The following ARHGAP42 variants were observed in gnomAD, a reference collection of about 807,000 sequenced individuals.
ARHGAP42 encodes Rho GTPase activating protein 42.
A neutral mutation model predicts 125.0 loss-of-function variants in ARHGAP42; 63 were observed. That is an observed-to-expected ratio of 0.50 (90% CI 0.41 to 0.62). The LOEUF (loss-of-function observed/expected upper bound fraction) is 0.62. Among genes scored for constraint, ARHGAP42 ranks in the 20% least tolerant of loss-of-function variants. The probability of loss-of-function intolerance (pLI) is 0.00; values close to 1 mark genes in which losing one functional copy is unlikely to be tolerated. For synonymous variants in ARHGAP42, 339 were observed against 351.0 expected (o/e 0.97, Z 0.38); for missense variants, 766 against 1,024.2 (o/e 0.75, Z 3.44).
chr11:100,760,752 A>G (rs1470016706), intron 1 of ARHGAP42, among the ~76,000 whole-genome samples: 4 of 152,132 alleles, frequency 2.6e-5, no homozygotes, highest in East Asian at 3.9e-4. Context: ...CCACAAATGT[A>G]TATGACACCA....
chr11:100,778,363 A>C (rs894781403), intron 2 of ARHGAP42, among the ~76,000 whole-genome samples: 9 of 152,232 alleles, frequency 5.9e-5, no homozygotes, highest in Non-Finnish European at 1.3e-4. Flanking sequence ...AATCAAAAAA[A>C]AAATATCCAT....
intron 3 of ARHGAP42, among the ~76,000 whole-genome samples, chr11:100,858,424 G>T (rs1388316097): frequency 6.6e-6 from 1 of 151,948 alleles, no homozygotes; most frequent in African/African-American, 2.4e-5. Flanking sequence ...GCAAATCGAG[G>T]ATTAACAGGA....
chr11:100,895,238 C>T (rs1030502739), intron 4 of ARHGAP42, among the ~76,000 whole-genome samples: 1 of 152,146 alleles, frequency 6.6e-6, no homozygotes, highest in African/African-American at 2.4e-5. Flanking sequence ...TTCATTCATT[C>T]ATTCATTCAC....
At chr11:100,868,151 T>G (rs1186386073) in intron 4 of ARHGAP42, among the ~76,000 whole-genome samples, 1 of 152,084 alleles carries the variant, frequency 6.6e-6, no homozygotes, top group Non-Finnish European at 1.5e-5. Flanking sequence ...AGACATAAAG[T>G]GAGCATTGTT....
intron 3 of ARHGAP42, among the ~76,000 whole-genome samples, chr11:100,848,445 A>G (rs1469672581): frequency 6.6e-6 from 1 of 151,610 alleles, no homozygotes; most frequent in African/African-American, 2.4e-5. Flanking sequence ...ACAACCAGCA[A>G]CCATCTTCCT....
At chr11:100,922,175 G>A (rs999555203) in intron 6 of ARHGAP42, among the ~76,000 whole-genome samples, 1 of 152,112 alleles carries the variant, frequency 6.6e-6, no homozygotes, top group African/African-American at 2.4e-5. Context: ...TTTAGCAAAT[G>A]TTTAGACGGA....
At chr11:100,875,107 CTGTGTG>C (rs67247250) in intron 4 of ARHGAP42, among the ~76,000 whole-genome samples, 4,152 of 81,296 alleles carry the variant, frequency 0.051, 102 homozygotes, top group Non-Finnish European at 0.059. Context: ...CTCTCTCTCT[CTGTGTG>C]TGTGTGTGTG....
chr11:100,806,940 C>T (rs745406238), intron 3 of ARHGAP42, among the ~76,000 whole-genome samples: 41 of 151,764 alleles, frequency 2.7e-4, no homozygotes, highest in Non-Finnish European at 4.7e-4. Context: ...CTCTGCCTTC[C>T]GAGCTCAAGT....
At chr11:100,904,180 C>T (rs746023823) in intron 4 of ARHGAP42, among the ~76,000 whole-genome samples, 2 of 152,040 alleles carry the variant, frequency 1.3e-5, no homozygotes, top group African/African-American at 4.8e-5. Context: ...CATTTGCTTT[C>T]TCTCACAAGG....
chr11:100,813,916 C>T (rs565287521), intron 3 of ARHGAP42, among the ~76,000 whole-genome samples: 5 of 152,028 alleles, frequency 3.3e-5, no homozygotes, highest in African/African-American at 4.8e-5. Flanking sequence ...CAGAACAGGC[C>T]GGGTGCAGTG....
chr11:100,954,743 G>A (rs931528140), intron 12 of ARHGAP42, among the ~76,000 whole-genome samples: 1 of 152,068 alleles, frequency 6.6e-6, no homozygotes, highest in Non-Finnish European at 1.5e-5. Flanking sequence ...TGCTCTTCAT[G>A]GGCAGAGCAG....
chr11:100,956,473 A>C (rs1350522788), intron 12 of ARHGAP42, among the ~76,000 whole-genome samples: 1 of 152,166 alleles, frequency 6.6e-6, no homozygotes, highest in Non-Finnish European at 1.5e-5. Flanking sequence ...ACAAAGGAAA[A>C]AGAAAATTGC....
intron 12 of ARHGAP42, among the ~76,000 whole-genome samples, chr11:100,956,668 A>G (rs746142007): frequency 5.9e-5 from 9 of 152,162 alleles, no homozygotes; most frequent in Non-Finnish European, 1.2e-4. Flanking sequence ...TAGTCTGTTT[A>G]GCTCTAGTGA....
chr11:100,773,716 C>T (rs973135777), intron 2 of ARHGAP42, among the ~76,000 whole-genome samples: 5 of 152,196 alleles, frequency 3.3e-5, no homozygotes, highest in African/African-American at 1.2e-4. Flanking sequence ...TTGTTTGACT[C>T]TTTCCACTTT....
At chr11:100,792,484 CCTG>C (rs757361070) in intron 2 of ARHGAP42, among the ~76,000 whole-genome samples, 2 of 152,064 alleles carry the variant, frequency 1.3e-5, no homozygotes, top group Non-Finnish European at 2.9e-5. Context: ...CCGTGATTGT[CCTG>C]CTATTTTTAG....
Position 100,707,000 on chromosome 11 carries a change from A to T in ARHGAP42, c.154+19168A>T, listed in dbSNP as rs536422547. ...GGATTTTTCATATAAATTGAACCATATAATATGTAGCTTCTTGTGAAGTGC... is the reference window on the plus strand; with the variant it reads ...GGATTTTTCATATAAATTGAACCATTTAATATGTAGCTTCTTGTGAAGTGC... On this transcript the variant is annotated intron_variant, in intron 1 of 23. Transcript: ENST00000298815. 3.3e-5 allele frequency among the ~76,000 whole-genome samples: 5 copies of T among 152,362 alleles called. No individual in the cohort carries two copies. The East Asian group carries it at 9.6e-4, about 29-fold the overall frequency.
At chr11:100,781,172 T>C (rs1863302393) in intron 2 of ARHGAP42, among the ~76,000 whole-genome samples, 1 of 152,194 alleles carries the variant, frequency 6.6e-6, no homozygotes, top group Non-Finnish European at 1.5e-5. Context: ...AGGTGTTTTC[T>C]TGGTGTGGAG....
chr11:100,965,746 T>C lies in ARHGAP42; in HGVS notation c.1520T>C (p.Met507Thr). 1.3e-6 allele frequency: 2 copies of C among 1,551,262 alleles called. No individual in the cohort carries two copies. Among genetic ancestry groups the C allele is most frequent in the Non-Finnish European group, 1.7e-6 (2 of 1,146,804 alleles). The part of the protein sequence containing the change: ...VHKLPEKNRE[M>T]LDILIKHLVK... ...AAATTGCCGGAGAAAAACAGAGAGA[T>C]GCTGGACATCTTAATAAAGCATCTG... Residue 507 changes from methionine (M) to threonine (T), a missense_variant, in exon 17 of 24, where the codon ATG becomes ACG. Met to Thr is a moderately conservative substitution (Grantham distance 81). This residue lies in a region of ARHGAP42 where 455 missense variants were observed against 636.5 expected (regional missense o/e 0.71). Coordinates refer to ENST00000298815, the MANE Select transcript of ARHGAP42 (RefSeq NM_152432.4).
rs111261492 is a variant in ARHGAP42 at position 100,728,888 on chromosome 11, C to T, written c.154+41056C>T. Among the ~76,000 whole-genome samples the T allele has an allele frequency of 5.7e-3, 869 of 151,946 alleles. 5 individuals carry two copies. Among genetic ancestry groups the T allele is most frequent in the Middle Eastern group, 0.02 (6 of 294 alleles). ...GCTTCAAGCGGTTCTTCTGTCTCAG[C>T]TTCCTGGGTAGCTGGGATCACAGGC... On this transcript the variant is annotated intron_variant, in intron 1 of 23. Coordinates refer to ENST00000298815, the MANE Select transcript of ARHGAP42 (RefSeq NM_152432.4).
Sources: gnomAD v4.1 joint callset for allele counts (sites outside exome capture counted in the v4.1 genomes callset) on GRCh38, gnomAD v4.1.1 for gene constraint, gnomAD v4.1.1 regional missense constraint, MANE v1.5 for transcripts, NCBI Gene and HGNC (gene_info 2026-07-23, HGNC 2026-07-21) for gene names.